Variants in LAMB1 observed in about 807,000 individuals in gnomAD.
LAMB1 encodes the protein laminin subunit beta 1.
LAMB1 carries 121 observed loss-of-function variants against 222.3 expected under a neutral mutation model. That is an observed-to-expected ratio of 0.54 (90% CI 0.47 to 0.63). The LOEUF (loss-of-function observed/expected upper bound fraction) is 0.63. LAMB1 is among the 30% of genes least tolerant of loss of function. The pLI is 0.00. For missense variants in LAMB1, 2,172 were observed against 2,240.8 expected, an observed-to-expected ratio of 0.97 and a Z score of 0.62; for synonymous variants, 794 against 807.2, an observed-to-expected ratio of 0.98 and a Z score of 0.28.
chr7:107,939,551 C>A (rs2032931382), intron 25 of LAMB1, among the ~76,000 whole-genome samples: 1 of 152,136 alleles, frequency 6.6e-6, no homozygotes, highest in Non-Finnish European at 1.5e-5. Context: ...TAAATCCTTT[C>A]ATTACTTCAT....
intron 4 of LAMB1, among the ~76,000 whole-genome samples, chr7:107,996,541 C>G (rs112971798): frequency 2.1e-3 from 324 of 152,300 alleles, no homozygotes; most frequent in African/African-American, 7.1e-3. Flanking sequence ...GATCAGACAA[C>G]AGAGAGATGA....
At chr7:107,992,939 G>C (rs1181311960) in intron 5 of LAMB1, among the ~76,000 whole-genome samples, 2 of 152,218 alleles carry the variant, frequency 1.3e-5, no homozygotes, top group Admixed American at 1.3e-4. Flanking sequence ...TCACCATTCT[G>C]TCCTATGTCC....
chr7:108,003,049 C>T, intron 1 of LAMB1, 62 bp downstream of exon 1: 1 of 1,429,056 alleles, frequency 7.0e-7, no homozygotes, highest in Middle Eastern at 2.6e-4. Flanking sequence ...CTGTCGCTCC[C>T]ACGGAAGCGG....
intron 3 of LAMB1, among the ~76,000 whole-genome samples, chr7:108,001,253 A>G (rs2150458073): frequency 6.6e-6 from 1 of 152,386 alleles, no homozygotes; most frequent in African/African-American, 2.4e-5. Flanking sequence ...CACACTTCCA[A>G]AACTAAAGTT....
At position 107,940,082 on chromosome 7, in the gene LAMB1, A is replaced by G. The variant is rs2032943316; in HGVS notation, c.3668T>C (p.Val1223Ala). The change falls in exon 25 of 34, where the codon GTG (valine) becomes GCG (alanine). Residue 1223 changes from valine (V) to alanine (A), a missense_variant. By Grantham distance (64) the Val-to-Ala change is moderately conservative. Coordinates refer to ENST00000222399, the MANE Select transcript of LAMB1 (RefSeq NM_002291.3). The part of the protein sequence containing the change: ...IGPYRETVDS[V>A]ERKVSEIKDI... ...TTTTATCTCGCTGACTTTCCTCTCC[A>G]CCGAGTCCACAGTCTCACGGTAAGG... 6.2e-7 allele frequency: 1 copy of G among 1,613,700 alleles called. No individual in the cohort carries two copies.
At chr7:107,975,988 G>A (rs761108665) in intron 9 of LAMB1, 111 bp from the exon 10 acceptor site, 7 of 873,160 alleles carry the variant, frequency 8.0e-6, no homozygotes, top group Non-Finnish European at 1.2e-5. Flanking sequence ...CAGACAAAAT[G>A]GCAGTCAACA....
intron 4 of LAMB1, among the ~76,000 whole-genome samples, chr7:107,996,645 A>G (rs1268013623): frequency 6.6e-6 from 1 of 152,192 alleles, no homozygotes; most frequent in African/African-American, 2.4e-5. Flanking sequence ...CAGAGAACTC[A>G]AGCCCCTCTA....
chr7:108,001,005 G>C (rs1208715665), intron 3 of LAMB1, among the ~76,000 whole-genome samples: 1 of 152,150 alleles, frequency 6.6e-6, no homozygotes, highest in Non-Finnish European at 1.5e-5. Context: ...ATTTCACTGT[G>C]GTCTTCCTGT....
intron 7 of LAMB1, among the ~76,000 whole-genome samples, chr7:107,984,446 C>G (rs1584531830): frequency 6.6e-6 from 1 of 152,154 alleles, no homozygotes; most frequent in African/African-American, 2.4e-5. Flanking sequence ...CACGGTTTTA[C>G]CATGTTGGCC....
At chr7:107,967,233 T>C (rs891672776) in intron 13 of LAMB1, among the ~76,000 whole-genome samples, 10 of 152,218 alleles carry the variant, frequency 6.6e-5, no homozygotes, top group African/African-American at 2.4e-4. Context: ...CTCTTTCCTT[T>C]ATCCCAATAC....
At chr7:107,943,326 G>T (rs941523695) in intron 24 of LAMB1, among the ~76,000 whole-genome samples, 1 of 152,116 alleles carries the variant, frequency 6.6e-6, no homozygotes, top group African/African-American at 2.4e-5. Flanking sequence ...TTTTTTAGTG[G>T]AAGTCAATGC....
At chr7:107,935,187 G>T (rs963962924) in intron 27 of LAMB1, among the ~76,000 whole-genome samples, 1 of 151,934 alleles carries the variant, frequency 6.6e-6, no homozygotes, top group African/African-American at 2.4e-5. Context: ...CAGAGAAACA[G>T]AAGAGGGGAA....
At chr7:107,984,742 CA>C (rs2150445606) in intron 7 of LAMB1, among the ~76,000 whole-genome samples, 1 of 152,268 alleles carries the variant, frequency 6.6e-6, no homozygotes, top group South Asian at 2.1e-4. Flanking sequence ...TGCAGATAAA[CA>C]ACTATTTTTT....
rs570707178 is a variant in LAMB1, at chr7:108,002,986, A to C, written c.-86-15T>G. The C allele has an allele frequency of 1.3e-4, 212 of 1,575,460 alleles. 4 individuals carry two copies. In the Admixed American group the frequency reaches 3.9e-3, roughly 29 times the overall value. Reference sequence around the variant, plus strand: ...CGTCTTCCTTTCTGGAGAGGTGGAAAGGAGGGGAAAAAAGGCAAATGTTCA... The same window carrying C: ...CGTCTTCCTTTCTGGAGAGGTGGAACGGAGGGGAAAAAAGGCAAATGTTCA... On this transcript the variant is annotated splice_polypyrimidine_tract_variant and intron_variant, in intron 1 of 33. Coordinates refer to ENST00000222399, the MANE Select transcript of LAMB1 (RefSeq NM_002291.3).
chr7:107,929,183 CTT>C lies in LAMB1; in HGVS notation c.4766_4767del (p.Lys1589SerfsTer25). 3 of 1,614,000 alleles carry C rather than the reference CTT, an allele frequency of 1.9e-6. No individual in the cohort carries two copies. The highest frequency in any genetic ancestry group is 2.5e-6 in the Non-Finnish European group (3 of 1,179,954). On this transcript the variant is annotated frameshift_variant, in exon 31 of 34. Coordinates refer to ENST00000222399, the MANE Select transcript of LAMB1 (RefSeq NM_002291.3). LOFTEE classifies it high-confidence loss of function. Reference sequence around the variant, plus strand: ...GCTTCCTTTACCATATCTGCAGTGACTTTAACATCTGTTGCACTTTTGCTGAG... The same window carrying C: ...GCTTCCTTTACCATATCTGCAGTGACTAACATCTGTTGCACTTTTGCTGAG... ...KRASKSATDVKVTADMVKEAL... is the reference protein window; with the variant it reads ...KRASKSATDVXVTADMVKEAL...
At chr7:107,991,885 G>A (rs1282289803) in intron 5 of LAMB1, among the ~76,000 whole-genome samples, 2 of 127,988 alleles carry the variant, frequency 1.6e-5, no homozygotes, top group African/African-American at 6.2e-5. Flanking sequence ...TCCAGCCTGG[G>A]AGAGAGCGAG....
At chr7:107,945,847 C>T (rs2033103902) in intron 24 of LAMB1, among the ~76,000 whole-genome samples, 1 of 152,248 alleles carries the variant, frequency 6.6e-6, no homozygotes, top group Non-Finnish European at 1.5e-5. Flanking sequence ...ATCTTTTCTG[C>T]AAACCCTTCC....
At position 107,980,751 on chromosome 7, in the gene LAMB1, T is replaced by A; in HGVS notation, c.737A>T (p.Asn246Ile). The change falls in exon 8 of 34, where the codon AAC becomes ATC. Residue 246 changes from asparagine to isoleucine, a missense_variant. Asn to Ile is a moderately radical substitution (Grantham distance 149). Transcript: ENST00000222399. ...KFVKLHTLGDNLLDSRMEIRE... is the reference protein window; with the variant it reads ...KFVKLHTLGDILLDSRMEIRE... The stretch of plus-strand genomic sequence containing the variant: ...GATTTCCATCCTGGAATCCAGAAGG[T>A]TATCTCCCAAAGTATGCAGTTTCAC... 1.5e-5 allele frequency: 24 copies of A among 1,613,270 alleles called. No homozygotes were observed. Among genetic ancestry groups the A allele is most frequent in the Non-Finnish European group, 2.0e-5 (23 of 1,179,176 alleles).
rs1450044660 is a variant in LAMB1, at chr7:107,998,413, T to C, written c.293A>G (p.Asn98Ser). 7 of 1,614,084 alleles carry C rather than the reference T, an allele frequency of 4.3e-6. No individual in the cohort carries two copies. The highest frequency in any genetic ancestry group is 1.7e-5 in the Admixed American group (1 of 60,018). Residue 98 changes from asparagine to serine, a missense_variant, in exon 4 of 34, where the codon AAT becomes AGT. Coordinates refer to ENST00000222399, the MANE Select transcript of LAMB1 (RefSeq NM_002291.3). ...TLNPDSHLIE[N>S]VVTTFAPNRL... is the part of the protein sequence containing the mutation. ...GTTTGGAGCAAATGTAGTGACCACA[T>C]TTTCAATGAGATGGCTGTCAGGATT...
Sources: gnomAD v4.1 joint callset for allele counts (sites outside exome capture counted in the v4.1 genomes callset) on GRCh38, gnomAD v4.1.1 for gene constraint, MANE v1.5 for transcripts, NCBI Gene and HGNC (gene_info 2026-07-23, HGNC 2026-07-21) for gene names.